Variants in ITGA11 observed in about 807,000 individuals in gnomAD.
ITGA11 encodes integrin alpha-11.
In ITGA11, 97 loss-of-function variants were observed where a neutral mutation model predicts 141.9. That is an observed-to-expected ratio of 0.68 (90% CI 0.58 to 0.81). The LOEUF is 0.81. Ranked by LOEUF, ITGA11 falls within the 30% of genes least tolerant of loss-of-function variation. The pLI, the probability that ITGA11 is intolerant of heterozygous loss-of-function variation, is 0.00. For synonymous variants in ITGA11, 658 were observed against 624.6 expected (o/e 1.05, Z -0.80); for missense variants, 1,387 against 1,559.2 (o/e 0.89, Z 1.86).
chr15:68,393,317 T>A (rs954407302), intron 2 of ITGA11, among the ~76,000 whole-genome samples: 4 of 152,174 alleles, frequency 2.6e-5, no homozygotes, highest in Admixed American at 6.5e-5. Flanking sequence ...GCTATATTTT[T>A]AAAAATGAAG....
intron 7 of ITGA11, among the ~76,000 whole-genome samples, chr15:68,354,166 GTTAT>G (rs72044543): frequency 0.058 from 8,753 of 151,974 alleles, 463 homozygotes; most frequent in African/African-American, 0.14. Context: ...CTAGTATGCT[GTTAT>G]TTATTTATTT....
chr15:68,320,911 TAAG>T (rs924590999), intron 19 of ITGA11, among the ~76,000 whole-genome samples: 4 of 152,350 alleles, frequency 2.6e-5, no homozygotes, highest in Admixed American at 2.6e-4. Context: ...TTACATAAAT[TAAG>T]AATATGATAT....
chr15:68,374,470 C>A (rs951612033), intron 2 of ITGA11, among the ~76,000 whole-genome samples: 7 of 152,158 alleles, frequency 4.6e-5, no homozygotes, highest in African/African-American at 1.7e-4. Context: ...TGTCTGAGGC[C>A]TCAGACAGGC....
chr15:68,372,453 G>A (rs968529735), intron 2 of ITGA11, among the ~76,000 whole-genome samples: 1 of 152,216 alleles, frequency 6.6e-6, no homozygotes, highest in Non-Finnish European at 1.5e-5. Context: ...CCCAAAGGTC[G>A]TGGCGAGCAT....
chr15:68,396,947 T>TATTATTTATTATATAATATATAA (rs1567156434), intron 2 of ITGA11, among the ~76,000 whole-genome samples: 8 of 41,678 alleles, frequency 1.9e-4, no homozygotes, highest in Non-Finnish European at 3.0e-4. Flanking sequence ...ATATATTATA[T>TATTATTTATTATATAATATATAA]ATTATTTATT....
Position 68,331,123 on chromosome 15 carries a change from G to C in ITGA11, c.1771-12C>G, listed in dbSNP as rs771541887. On this transcript the variant is annotated splice_polypyrimidine_tract_variant and intron_variant, in intron 14 of 29. Transcript: ENST00000315757. ...GAGGCTGTGATTCTCTGCAGGGCGC[G>C]GGAAGAGAGGGGGAGGGCATGCACA... is the stretch of plus-strand genomic sequence containing the variant. 1 of 1,580,452 alleles carries C rather than the reference G, an allele frequency of 6.3e-7. No individual in the cohort carries two copies. The highest frequency in any genetic ancestry group is 1.8e-5 in the Admixed American group (1 of 54,810).
chr15:68,358,600 C>T lies in ITGA11; in HGVS notation c.473-15G>A, dbSNP rs1334572597. The stretch of plus-strand genomic sequence containing the variant: ...GGTCTGGCACCCTGGAAAGTGGGGA[C>T]ACAGTTATGGCTACCCAAGGAGCAG... On this transcript the variant is annotated splice_polypyrimidine_tract_variant and intron_variant, in intron 5 of 29. Transcript: ENST00000315757. The T allele has an allele frequency of 6.2e-7, 1 of 1,606,596 alleles. No individual in the cohort carries two copies. Among genetic ancestry groups the T allele is most frequent in the African/African-American group, 1.3e-5 (1 of 74,700 alleles).
chr15:68,395,332 C>T lies in ITGA11; in HGVS notation c.164+7586G>A, dbSNP rs903742092. On this transcript the variant is annotated intron_variant, in intron 2 of 29. Coordinates refer to ENST00000315757, the MANE Select transcript of ITGA11 (RefSeq NM_001004439.2). ...AAAGCTGGATGGAGAATGACTTTGACGAGTTGACAGAAGTAGGCTTCAGAA... is the reference window on the plus strand; with the variant it reads ...AAAGCTGGATGGAGAATGACTTTGATGAGTTGACAGAAGTAGGCTTCAGAA... Among the ~76,000 whole-genome samples, 4 of 152,174 alleles carry T rather than the reference C, an allele frequency of 2.6e-5. No individual in the cohort carries two copies. The East Asian group carries it at 5.8e-4, about 22-fold the overall frequency.
Position 68,307,036 on chromosome 15 carries a change from GC to G in ITGA11, c.3381+311del, listed in dbSNP as rs1227124822. On this transcript the variant is annotated intron_variant, in intron 28 of 29. Transcript: ENST00000315757. This position sits in a 1 kb window ranked among gnomAD's most constrained non-coding sequence, Gnocchi z 6.1. The stretch of plus-strand genomic sequence containing the variant: ...ACTCCTTTCCTGGACCCTGGATGAA[GC>G]CAGTGTAATCTGTAACAATCTGCTT... 3.9e-5 allele frequency among the ~76,000 whole-genome samples: 6 copies of G among 152,228 alleles called. No homozygotes were observed. Among genetic ancestry groups the G allele is most frequent in the Admixed American group, 1.3e-4 (2 of 15,288 alleles).
Position 68,303,197 on chromosome 15 carries a change from C to G in ITGA11, c.3496-67G>C, listed in dbSNP as rs1444927502. ...TGGGCAAGGCCTGCCCCAGCTTTCC[C>G]TCCACTACCTTTCCTTGGGATTCCT... is the stretch of plus-strand genomic sequence containing the variant. On this transcript the variant is annotated intron_variant, in intron 29 of 29. Transcript: ENST00000315757. The surrounding 1 kb of genome is among the most constrained non-coding windows in gnomAD (Gnocchi z 5.3). The G allele has an allele frequency of 7.4e-7, 1 of 1,346,106 alleles. No homozygotes were observed. Among genetic ancestry groups the G allele is most frequent in the East Asian group, 2.5e-5 (1 of 39,906 alleles). 83.4% of individuals were successfully genotyped at this position (1,346,106 alleles called of 1,614,324 possible). A position where few individuals can be genotyped will look rare whatever the true frequency, so the allele number is the denominator to read the frequency against.
chr15:68,359,787 T>G (rs566280598), intron 5 of ITGA11, among the ~76,000 whole-genome samples: 1 of 152,366 alleles, frequency 6.6e-6, no homozygotes, highest in South Asian at 2.1e-4. Context: ...AGTAATTTAT[T>G]TCTGTTTGTC....
Position 68,326,860 on chromosome 15 carries a change from C to G in ITGA11, c.2069-64G>C. ...CACATGCCCATCCAAGACTGTCTGC[C>G]TCCTCCAGGAAGCCCCCCAGGCTGG... is the stretch of plus-strand genomic sequence containing the variant. On this transcript the variant is annotated intron_variant, in intron 16 of 29. Coordinates refer to ENST00000315757, the MANE Select transcript of ITGA11 (RefSeq NM_001004439.2). This position sits in a 1 kb window ranked among gnomAD's most constrained non-coding sequence, Gnocchi z 6.8. The G allele has an allele frequency of 2.0e-6, 3 of 1,501,900 alleles. No homozygotes were observed. The highest frequency in any genetic ancestry group is 2.7e-6 in the Non-Finnish European group (3 of 1,117,284). The allele number at this position is 1,501,900 out of a possible 1,614,324, so 93.0% of individuals were successfully genotyped here.
intron 5 of ITGA11, among the ~76,000 whole-genome samples, chr15:68,359,749 TA>T (rs144783175): frequency 0.055 from 8,297 of 152,118 alleles, 791 homozygotes; most frequent in African/African-American, 0.19. Context: ...TAACAAATAT[TA>T]AAAAAACCCT....
chr15:68,335,452 C>T lies in ITGA11; in HGVS notation c.1425+245G>A, dbSNP rs1261482974. Among the ~76,000 whole-genome samples the T allele has an allele frequency of 1.3e-5, 2 of 152,234 alleles. No homozygotes were observed. The highest frequency in any genetic ancestry group is 2.9e-5 in the Non-Finnish European group (2 of 68,040). Reference sequence around the variant, plus strand: ...CCCTGTGGGGCAATGGCATTGGCAGCCTTCCCATTCCTCATTGCTTCCATT... The same window carrying T: ...CCCTGTGGGGCAATGGCATTGGCAGTCTTCCCATTCCTCATTGCTTCCATT... On this transcript the variant is annotated intron_variant, in intron 12 of 29. Transcript: ENST00000315757. This position sits in a 1 kb window ranked among gnomAD's most constrained non-coding sequence, Gnocchi z 4.9.
At chr15:68,330,164 G>C (rs549703579) in intron 15 of ITGA11, among the ~76,000 whole-genome samples, 1 of 152,200 alleles carries the variant, frequency 6.6e-6, no homozygotes, top group Non-Finnish European at 1.5e-5. Context: ...CTGTTTTCTA[G>C]GGAACCTGGA....
At chr15:68,425,699 C>T (rs1464782116) in intron 1 of ITGA11, among the ~76,000 whole-genome samples, 1 of 152,226 alleles carries the variant, frequency 6.6e-6, no homozygotes, top group Non-Finnish European at 1.5e-5. Context: ...AGAGCTACGC[C>T]CACTTGCCCA....
intron 2 of ITGA11, among the ~76,000 whole-genome samples, chr15:68,400,352 G>A (rs1014276552): frequency 6.6e-6 from 1 of 151,000 alleles, no homozygotes; most frequent in Non-Finnish European, 1.5e-5. Flanking sequence ...TCATGATATG[G>A]GGAGAGGTGA....
At chr15:68,348,401 G>A (rs144151954) in intron 10 of ITGA11, among the ~76,000 whole-genome samples, 11 of 152,336 alleles carry the variant, frequency 7.2e-5, no homozygotes, top group African/African-American at 1.7e-4. Flanking sequence ...TCCAAAGCAC[G>A]TGCCATTGGC....
chr15:68,313,995 A>G, intron 22 of ITGA11, 127 bp from the exon 23 acceptor site: 2 of 699,326 alleles, frequency 2.9e-6, no homozygotes, highest in South Asian at 3.6e-5. Flanking sequence ...CAGACAGGCC[A>G]GACAGGGAAC....
Sources: gnomAD v4.1 joint callset for allele counts (sites outside exome capture counted in the v4.1 genomes callset) on GRCh38, gnomAD v4.1.1 for gene constraint, Gnocchi (gnomAD v3.1) non-coding constraint, MANE v1.5 for transcripts, NCBI Gene and HGNC (gene_info 2026-07-23, HGNC 2026-07-21) for gene names.